HACD2: variants seen among roughly 807,000 people sequenced by gnomAD.
HACD2 encodes very-long-chain (3R)-3-hydroxyacyl-CoA dehydratase 2.
In HACD2, 15 loss-of-function variants were observed where a neutral mutation model predicts 31.0. The observed-to-expected ratio is 0.48, with a 90% CI of 0.32 to 0.75. The LOEUF (loss-of-function observed/expected upper bound fraction) is 0.75, where lower values mean the gene tolerates loss of function less well. Among genes scored for constraint, HACD2 ranks in the 30% least tolerant of loss-of-function variants. The probability of loss-of-function intolerance (pLI) is 0.03; values close to 1 mark genes in which losing one functional copy is unlikely to be tolerated. For missense variants in HACD2, 283 were observed against 313.0 expected (o/e 0.90, Z 0.72); for synonymous variants, 115 against 122.2 (o/e 0.94, Z 0.39).
At chr3:123,533,500 A>G (rs1450942829) in intron 3 of HACD2, among the ~76,000 whole-genome samples, 1 of 152,212 alleles carries the variant, frequency 6.6e-6, no homozygotes, top group Non-Finnish European at 1.5e-5. Flanking sequence ...TTGCATTTAC[A>G]TGCCATTACT....
chr3:123,505,571 T>C (rs1309225978), intron 4 of HACD2, among the ~76,000 whole-genome samples: 2 of 152,186 alleles, frequency 1.3e-5, no homozygotes, highest in Non-Finnish European at 2.9e-5. Context: ...ATCTGGAGTT[T>C]TTGGTGAACC....
chr3:123,533,686 A>C (rs900651673), intron 3 of HACD2, among the ~76,000 whole-genome samples: 24 of 152,180 alleles, frequency 1.6e-4, no homozygotes, highest in African/African-American at 5.1e-4. Flanking sequence ...CTATTTGTTA[A>C]TATTTGTGGA....
chr3:123,516,256 T>A (rs1576741994), intron 4 of HACD2, among the ~76,000 whole-genome samples: 1 of 137,968 alleles, frequency 7.2e-6, no homozygotes, highest in Non-Finnish European at 1.6e-5. Context: ...TTTTTTGAGA[T>A]GGAGTCTCGC....
At chr3:123,550,934 C>G (rs538384915) in intron 3 of HACD2, among the ~76,000 whole-genome samples, 1 of 152,246 alleles carries the variant, frequency 6.6e-6, no homozygotes, top group South Asian at 2.1e-4. Context: ...ATGAGGGAAT[C>G]TCAGGACAAA....
At chr3:123,582,682 C>G (rs561388468) in intron 1 of HACD2, among the ~76,000 whole-genome samples, 1 of 152,128 alleles carries the variant, frequency 6.6e-6, no homozygotes, top group East Asian at 1.9e-4. Context: ...GAGAAAAAAA[C>G]AGTTAAAGGA....
At chr3:123,568,313 G>A (rs1479500807) in intron 2 of HACD2, among the ~76,000 whole-genome samples, 2 of 152,138 alleles carry the variant, frequency 1.3e-5, no homozygotes, top group African/African-American at 2.4e-5. Flanking sequence ...CTGTCTCCTG[G>A]GGATCTGGGC....
intron 4 of HACD2, among the ~76,000 whole-genome samples, chr3:123,527,926 A>G (rs1287675524): frequency 6.6e-6 from 1 of 152,184 alleles, no homozygotes; most frequent in African/African-American, 2.4e-5. Flanking sequence ...TTTGGAATGT[A>G]TTCCCCTTGG....
At position 123,575,384 on chromosome 3, in the gene HACD2, T is replaced by C. The variant is rs201056090; in HGVS notation, c.273+6828A>G. On this transcript the variant is annotated intron_variant, in intron 2 of 6. Coordinates refer to ENST00000383657, the MANE Select transcript of HACD2 (RefSeq NM_198402.5). ...CTCCCACCTTGGCCTTCCAAAGTGC[T>C]GGGATTACAGGTGTCAGCCACCACT... is the stretch of plus-strand genomic sequence containing the variant. Among the ~76,000 whole-genome samples the C allele has an allele frequency of 2.0e-5, 3 of 152,320 alleles. No homozygotes were observed. In the East Asian group the frequency reaches 5.8e-4, roughly 29 times the overall value.
intron 4 of HACD2, among the ~76,000 whole-genome samples, chr3:123,503,227 T>C (rs1445711955): frequency 6.8e-6 from 1 of 148,084 alleles, no homozygotes; most frequent in African/African-American, 2.5e-5. Flanking sequence ...ATAGCGCCAC[T>C]GCACCCCAGC....
intron 3 of HACD2, among the ~76,000 whole-genome samples, chr3:123,556,760 C>T (rs1217823880): frequency 6.6e-6 from 1 of 151,936 alleles, no homozygotes; most frequent in African/African-American, 2.4e-5. Flanking sequence ...TCTTAAATCT[C>T]AACAAAAAAA....
At chr3:123,521,047 A>G (rs947071661) in intron 4 of HACD2, among the ~76,000 whole-genome samples, 5 of 152,194 alleles carry the variant, frequency 3.3e-5, no homozygotes, top group Non-Finnish European at 5.9e-5. Flanking sequence ...AGCTCTAAAC[A>G]GGCTTCCCAC....
Position 123,567,886 on chromosome 3 carries a change from A to G in HACD2, c.274-106T>C, listed in dbSNP as rs1466336522. The G allele has an allele frequency of 2.8e-5, 17 of 597,016 alleles. No individual in the cohort carries two copies. In the East Asian group the frequency reaches 5.2e-4, roughly 18 times the overall value. The allele number at this position is 597,016 out of a possible 1,614,324, so 37.0% of individuals were successfully genotyped here. A position where few individuals can be genotyped will look rare whatever the true frequency, so the allele number is the denominator to read the frequency against. Reference sequence around the variant, plus strand: ...CAGTAAGAATAGAGCAGCGTCTGCCAGCAGTATTAAATATGAAAAATGAAC... The same window carrying G: ...CAGTAAGAATAGAGCAGCGTCTGCCGGCAGTATTAAATATGAAAAATGAAC... On this transcript the variant is annotated intron_variant, in intron 2 of 6. Coordinates refer to ENST00000383657, the MANE Select transcript of HACD2 (RefSeq NM_198402.5).
At chr3:123,510,016 A>G (rs764032172) in intron 4 of HACD2, among the ~76,000 whole-genome samples, 1 of 152,164 alleles carries the variant, frequency 6.6e-6, no homozygotes, top group Non-Finnish European at 1.5e-5. Flanking sequence ...AAAATTTATC[A>G]TTTAACAGTT....
At chr3:123,497,642 G>T (rs1222380012) in intron 6 of HACD2, among the ~76,000 whole-genome samples, 1 of 152,176 alleles carries the variant, frequency 6.6e-6, no homozygotes, top group Non-Finnish European at 1.5e-5. Flanking sequence ...TCACCAATTT[G>T]GGGGTGGAAT....
chr3:123,533,443 T>C (rs114101907), intron 3 of HACD2, among the ~76,000 whole-genome samples: 3 of 152,230 alleles, frequency 2.0e-5, no homozygotes, highest in Non-Finnish European at 2.9e-5. Flanking sequence ...GCCTGGCAGA[T>C]AGATCCTCTT....
rs567533623 is a variant in HACD2, at chr3:123,551,188, G to A, written c.292+16574C>T. 1.6e-4 allele frequency among the ~76,000 whole-genome samples: 25 copies of A among 152,154 alleles called. No individual in the cohort carries two copies. The Middle Eastern group carries it at 0.017, about 104-fold the overall frequency. On this transcript the variant is annotated intron_variant, in intron 3 of 6. Coordinates refer to ENST00000383657, the MANE Select transcript of HACD2 (RefSeq NM_198402.5). Reference sequence around the variant, plus strand: ...TCTACCTCTTTGAACTTACCCTTTCGGCGAAACATTTGTCACACTGTCCCT... The same window carrying A: ...TCTACCTCTTTGAACTTACCCTTTCAGCGAAACATTTGTCACACTGTCCCT...
At chr3:123,561,843 A>C (rs994350987) in intron 3 of HACD2, among the ~76,000 whole-genome samples, 3 of 151,234 alleles carry the variant, frequency 2.0e-5, no homozygotes, top group Admixed American at 6.6e-5. Context: ...ACGGGGTCTC[A>C]CTCTGTCGCC....
At chr3:123,547,321 G>A (rs1189567060) in intron 3 of HACD2, among the ~76,000 whole-genome samples, 6 of 152,146 alleles carry the variant, frequency 3.9e-5, no homozygotes, top group Non-Finnish European at 8.8e-5. Context: ...AATGTTATAT[G>A]AATAAACTCT....
At chr3:123,525,886 G>C (rs2107704154) in intron 4 of HACD2, among the ~76,000 whole-genome samples, 1 of 152,284 alleles carries the variant, frequency 6.6e-6, no homozygotes, top group South Asian at 2.1e-4. Flanking sequence ...GAATATTAAG[G>C]AAAATAAAGA....
Sources: allele counts gnomAD v4.1 joint callset (sites outside exome capture counted in the v4.1 genomes callset), GRCh38; gene constraint gnomAD v4.1.1; transcripts MANE v1.5; gene names NCBI Gene and HGNC (gene_info 2026-07-23, HGNC 2026-07-21).